The following FGF14 variants were observed in gnomAD, a reference collection of about 807,000 sequenced individuals.
FGF14 encodes fibroblast growth factor homologous factor 4.
FGF14 carries 5 observed loss-of-function variants against 25.5 expected under a neutral mutation model. That is an observed-to-expected ratio of 0.20 (90% CI 0.10 to 0.41). The LOEUF is 0.41. Among genes scored for constraint, FGF14 ranks in the 10% least tolerant of loss-of-function variants. FGF14 has a pLI of 1.00. For synonymous variants in FGF14, 138 were observed against 118.3 expected, an observed-to-expected ratio of 1.17 and a Z score of -1.08; for missense variants, 222 against 320.1, an observed-to-expected ratio of 0.69 and a Z score of 2.34.
intron 1 of FGF14, among the ~76,000 whole-genome samples, chr13:101,884,442 A>G (rs1191722996): frequency 6.6e-6 from 1 of 152,200 alleles, no homozygotes; most frequent in African/African-American, 2.4e-5. Context: ...CAGAATTAGG[A>G]CAAATAAGTA....
At chr13:101,748,145 T>C (rs2037012758) in intron 3 of FGF14, among the ~76,000 whole-genome samples, 1 of 151,794 alleles carries the variant, frequency 6.6e-6, no homozygotes, top group Non-Finnish European at 1.5e-5. Flanking sequence ...GAAATTATTC[T>C]ATAAAAAAAA....
In FGF14 at chr13:102,045,078, T is replaced by C. The variant is rs77081011; in HGVS notation, c.209-169782A>G. ...TGACCTCAGAGTCTGAGAGTGTCAATTGAATTTTACTCATCTAATAATTTT... is the reference window on the plus strand; with the variant it reads ...TGACCTCAGAGTCTGAGAGTGTCAACTGAATTTTACTCATCTAATAATTTT... On this transcript the variant is annotated intron_variant, in intron 1 of 4. Coordinates refer to the FGF14 transcript ENST00000376131. 8.5e-3 allele frequency among the ~76,000 whole-genome samples: 1,301 copies of C among 152,298 alleles called. 17 individuals carry two copies. The highest frequency in any genetic ancestry group is 0.029 in the African/African-American group (1,196 of 41,578).
chr13:102,352,425 A>G (rs1209142610), intron 1 of FGF14, among the ~76,000 whole-genome samples: 1 of 152,120 alleles, frequency 6.6e-6, no homozygotes, highest in African/African-American at 2.4e-5. Flanking sequence ...TGTTTTAATA[A>G]ATGGCTCATA....
chr13:101,911,894 GA>G (rs1298020255), intron 1 of FGF14, among the ~76,000 whole-genome samples: 1 of 151,672 alleles, frequency 6.6e-6, no homozygotes, highest in African/African-American at 2.4e-5. Flanking sequence ...GTGCTTTGAA[GA>G]AAAATGTTCC....
chr13:102,312,274 A>G (rs1002703639), intron 1 of FGF14, among the ~76,000 whole-genome samples: 3 of 149,484 alleles, frequency 2.0e-5, no homozygotes, highest in Non-Finnish European at 4.5e-5. Context: ...ATGAAAGCAG[A>G]AAAAAAAAAC....
chr13:101,973,153 T>C (rs1383214774), intron 1 of FGF14, among the ~76,000 whole-genome samples: 1 of 151,386 alleles, frequency 6.6e-6, no homozygotes, highest in African/African-American at 2.4e-5. Flanking sequence ...TATTGCTATG[T>C]TTAAAGTTCT....
chr13:102,299,317 T>C (rs1039725871), intron 1 of FGF14, among the ~76,000 whole-genome samples: 2 of 152,030 alleles, frequency 1.3e-5, no homozygotes, highest in Non-Finnish European at 1.5e-5. Flanking sequence ...AAAATATACT[T>C]GAGAAACCAA....
At chr13:101,824,338 C>T (rs904747381) in intron 3 of FGF14, among the ~76,000 whole-genome samples, 3 of 152,184 alleles carry the variant, frequency 2.0e-5, no homozygotes, top group South Asian at 2.1e-4. Flanking sequence ...TGTGTGCGCG[C>T]GTGCACGCTT....
intron 1 of FGF14, among the ~76,000 whole-genome samples, chr13:101,930,922 G>A (rs2476231): frequency 0.17 from 25,235 of 151,990 alleles, 4,865 homozygotes; most frequent in African/African-American, 0.47. Flanking sequence ...CCACTTAGAC[G>A]GTCCAACAAG....
upstream of FGF14, among the ~76,000 whole-genome samples, chr13:101,917,169 TGCCGCCGCCGGC>T (rs528369761): frequency 4.8e-3 from 731 of 151,612 alleles, 15 homozygotes; most frequent in Admixed American, 0.039. Flanking sequence ...CGCGGGCCGG[TGCCGCCGCCGGC>T]GCCGCCCGCT....
chr13:102,182,359 C>T (rs1207164312), intron 1 of FGF14, among the ~76,000 whole-genome samples: 1 of 152,120 alleles, frequency 6.6e-6, no homozygotes, highest in African/African-American at 2.4e-5. Context: ...GCCCTGCCGA[C>T]GCCTTGATTT....
chr13:102,121,547 TTAAG>T (rs1354777330), intron 1 of FGF14, among the ~76,000 whole-genome samples: 1 of 152,188 alleles, frequency 6.6e-6, no homozygotes, highest in African/African-American at 2.4e-5. Context: ...AATTATTTAA[TTAAG>T]TTTTTATTTG....
intron 1 of FGF14, among the ~76,000 whole-genome samples, chr13:102,147,331 CA>C (rs1355145557): frequency 6.6e-6 from 1 of 152,114 alleles, no homozygotes; most frequent in Admixed American, 6.6e-5. Flanking sequence ...AGGTAAGATT[CA>C]TGGGCTTGTT....
At chr13:102,097,501 G>A (rs1595263007) in intron 1 of FGF14, among the ~76,000 whole-genome samples, 1 of 152,260 alleles carries the variant, frequency 6.6e-6, no homozygotes, top group East Asian at 1.9e-4. Flanking sequence ...TTAACAGGCA[G>A]CAATTCTGTC....
At chr13:102,322,668 G>A (rs577570490) in intron 1 of FGF14, among the ~76,000 whole-genome samples, 1 of 152,064 alleles carries the variant, frequency 6.6e-6, no homozygotes, top group East Asian at 1.9e-4. Flanking sequence ...TCATTGACTT[G>A]GCAAAAACAA....
rs2035004661 is a variant in FGF14, at chr13:101,721,744, G to C, written c.*1087C>G. ...GCCCATGCTCTGCTGAGTATGAGGG[G>C]AACGCAGCCAGAAACGGGGATGGCG... On this transcript the variant is annotated 3_prime_UTR_variant, in exon 5 of 5. Transcript: ENST00000376143. The C allele has an allele frequency of 6.6e-6, 1 of 152,072 alleles. No homozygotes were observed. The highest frequency in any genetic ancestry group is 2.4e-5 in the African/African-American group (1 of 41,402). 9.4% of individuals were successfully genotyped at this position (152,072 alleles called of 1,614,324 possible). A position where few individuals can be genotyped will look rare whatever the true frequency, so the allele number is the denominator to read the frequency against.
chr13:102,080,750 C>G (rs1017039422), intron 1 of FGF14, among the ~76,000 whole-genome samples: 1 of 152,206 alleles, frequency 6.6e-6, no homozygotes, highest in African/African-American at 2.4e-5. Flanking sequence ...ATTAGCTGGG[C>G]TCCAGAAGAG....
chr13:102,115,175 T>A (rs866825607), intron 1 of FGF14, among the ~76,000 whole-genome samples: 1 of 152,144 alleles, frequency 6.6e-6, no homozygotes, highest in African/African-American at 2.4e-5. Context: ...ATGGGATCAA[T>A]AGAAGCCTTC....
chr13:102,307,634 C>T (rs1318417169), intron 1 of FGF14, among the ~76,000 whole-genome samples: 4 of 152,102 alleles, frequency 2.6e-5, no homozygotes, highest in Non-Finnish European at 5.9e-5. Context: ...ATAATAATCA[C>T]TAATATTTTT....
Sources: gnomAD v4.1 joint callset for allele counts (sites outside exome capture counted in the v4.1 genomes callset) on GRCh38, gnomAD v4.1.1 for gene constraint, MANE v1.5 for transcripts, NCBI Gene and HGNC (gene_info 2026-07-23, HGNC 2026-07-21) for gene names.